Variants in LRRC4C observed in about 807,000 individuals in gnomAD.
The protein encoded by LRRC4C is leucine rich repeat containing 4C.
In LRRC4C, 5 loss-of-function variants were observed where a neutral mutation model predicts 33.6. That is an observed-to-expected ratio of 0.15 (90% confidence interval 0.08 to 0.31). LRRC4C has a LOEUF of 0.31. Ranked by LOEUF, LRRC4C falls within the 10% of genes least tolerant of loss-of-function variation. The pLI, the probability that LRRC4C is intolerant of heterozygous loss-of-function variation, is 1.00. For missense variants in LRRC4C, 560 were observed against 796.7 expected (o/e 0.70, Z 3.58); for synonymous variants, 329 against 302.0 (o/e 1.09, Z -0.93).
At chr11:41,064,941 A>C (rs1938106015) in intron 1 of LRRC4C, among the ~76,000 whole-genome samples, 1 of 152,190 alleles carries the variant, frequency 6.6e-6, no homozygotes, top group African/African-American at 2.4e-5. Flanking sequence ...TTGTGAGCCT[A>C]CACCACCAGG....
chr11:40,364,019 A>G (rs970338936), intron 3 of LRRC4C, among the ~76,000 whole-genome samples: 2 of 152,196 alleles, frequency 1.3e-5, no homozygotes, highest in Admixed American at 1.3e-4. Context: ...ACTAATGGAT[A>G]TTCTGTACCC....
chr11:40,984,363 A>AAAAGAAAGAAAGAAAGAAAGAAAG (rs61226519), intron 1 of LRRC4C, among the ~76,000 whole-genome samples: 3 of 120,294 alleles, frequency 2.5e-5, no homozygotes, highest in East Asian at 2.4e-4. Flanking sequence ...AAAGAAAGAA[A>AAAAGAAAGAAAGAAAGAAAGAAAG]AAAGAAAGAA....
At chr11:40,767,522 A>G (rs902188300) in intron 2 of LRRC4C, among the ~76,000 whole-genome samples, 1 of 152,140 alleles carries the variant, frequency 6.6e-6, no homozygotes, top group Non-Finnish European at 1.5e-5. Flanking sequence ...AGGAATATAC[A>G]TACTTTTCAT....
At chr11:41,273,250 C>T (rs1196107854) in intron 1 of LRRC4C, among the ~76,000 whole-genome samples, 2 of 152,046 alleles carry the variant, frequency 1.3e-5, no homozygotes, top group East Asian at 1.9e-4. Context: ...ATAGAACTAC[C>T]GCATGATCCA....
chr11:40,285,970 G>GA (rs914658813), intron 4 of LRRC4C, among the ~76,000 whole-genome samples: 21 of 150,550 alleles, frequency 1.4e-4, no homozygotes, highest in Admixed American at 4.6e-4. Context: ...GAGGATTAAA[G>GA]AAAAAAAAAT....
At chr11:41,391,147 A>T (rs1387969055) in intron 1 of LRRC4C, among the ~76,000 whole-genome samples, 1 of 151,918 alleles carries the variant, frequency 6.6e-6, no homozygotes, top group Non-Finnish European at 1.5e-5. Context: ...GTTTGTGAGT[A>T]TAGGTTATAT....
chr11:40,880,765 T>C (rs1224575351), intron 2 of LRRC4C, among the ~76,000 whole-genome samples: 1 of 151,484 alleles, frequency 6.6e-6, no homozygotes, highest in Non-Finnish European at 1.5e-5. Context: ...ATAGGTAAAG[T>C]ATTTTTTTGA....
At chr11:40,694,856 C>T (rs1945409518) in intron 2 of LRRC4C, among the ~76,000 whole-genome samples, 1 of 152,148 alleles carries the variant, frequency 6.6e-6, no homozygotes, top group Non-Finnish European at 1.5e-5. Context: ...TAACTCTGCT[C>T]ATATCTCAAT....
chr11:41,029,619 C>T (rs1481282263), intron 1 of LRRC4C, among the ~76,000 whole-genome samples: 4 of 151,688 alleles, frequency 2.6e-5, no homozygotes, highest in African/African-American at 7.3e-5. Context: ...TAAGACTGCT[C>T]GGCAGCTTCT....
intron 2 of LRRC4C, among the ~76,000 whole-genome samples, chr11:40,825,302 G>A (rs1952112277): frequency 6.6e-6 from 1 of 151,848 alleles, no homozygotes; most frequent in African/African-American, 2.4e-5. Flanking sequence ...TGATGAATAC[G>A]TGATTACTGA....
chr11:41,061,866 C>T (rs1182807603), intron 1 of LRRC4C, among the ~76,000 whole-genome samples: 1 of 152,050 alleles, frequency 6.6e-6, no homozygotes, highest in Non-Finnish European at 1.5e-5. Flanking sequence ...AGAAGATATG[C>T]TGGGAAATGC....
chr11:41,061,766 G>T (rs950110984), intron 1 of LRRC4C, among the ~76,000 whole-genome samples: 1 of 151,854 alleles, frequency 6.6e-6, no homozygotes, highest in African/African-American at 2.4e-5. Context: ...GCAGATTCAC[G>T]TTTGTCCATT....
intron 3 of LRRC4C, among the ~76,000 whole-genome samples, chr11:40,493,687 A>G (rs896424234): frequency 7.9e-5 from 12 of 152,236 alleles, no homozygotes; most frequent in Non-Finnish European, 1.3e-4. Flanking sequence ...TAATGTAAGT[A>G]GTGAATTATA....
intron 1 of LRRC4C, among the ~76,000 whole-genome samples, chr11:41,166,029 C>CAAA (rs35393339): frequency 1.6e-5 from 2 of 122,132 alleles, no homozygotes; most frequent in African/African-American, 6.1e-5. Flanking sequence ...GAAATTCTGT[C>CAAA]AAAAAAAAAA....
At chr11:41,199,458 T>C (rs889764923) in intron 1 of LRRC4C, among the ~76,000 whole-genome samples, 1 of 152,094 alleles carries the variant, frequency 6.6e-6, no homozygotes, top group Non-Finnish European at 1.5e-5. Flanking sequence ...ATTAATTGAA[T>C]AGAGCATTTC....
At chr11:40,451,553 T>G (rs796425440) in intron 3 of LRRC4C, among the ~76,000 whole-genome samples, 1 of 151,516 alleles carries the variant, frequency 6.6e-6, no homozygotes, top group Admixed American at 6.6e-5. Context: ...GCCTGGCAAA[T>G]TTTTGTATTT....
At chr11:40,247,618 G>A (rs1866452579) in intron 4 of LRRC4C, among the ~76,000 whole-genome samples, 1 of 151,896 alleles carries the variant, frequency 6.6e-6, no homozygotes, top group Non-Finnish European at 1.5e-5. Context: ...CCAGGTCATT[G>A]CACTGTCAAT....
chr11:40,941,905 G>A (rs974076938), intron 1 of LRRC4C, among the ~76,000 whole-genome samples: 1 of 152,060 alleles, frequency 6.6e-6, no homozygotes, highest in African/African-American at 2.4e-5. Flanking sequence ...GATAGAGAAG[G>A]CATTATTATA....
intron 1 of LRRC4C, among the ~76,000 whole-genome samples, chr11:41,105,723 G>A (rs1323053770): frequency 6.6e-6 from 1 of 152,072 alleles, no homozygotes; most frequent in Admixed American, 6.6e-5. Context: ...TGTACAATTG[G>A]AGAGATTGTG....
Sources: gnomAD v4.1 joint callset for allele counts (sites outside exome capture counted in the v4.1 genomes callset) on GRCh38, gnomAD v4.1.1 for gene constraint, MANE v1.5 for transcripts, NCBI Gene and HGNC (gene_info 2026-07-23, HGNC 2026-07-21) for gene names.